Variants in ATM observed in about 807,000 individuals in gnomAD.
The protein encoded by ATM is serine-protein kinase ATM.
In ATM, 308 loss-of-function variants were observed where a neutral mutation model predicts 387.0. The observed-to-expected ratio is 0.80, with a 90% CI of 0.73 to 0.87. ATM has a LOEUF of 0.87. Ranked by LOEUF, ATM falls within the 40% of genes least tolerant of loss-of-function variation. The pLI, the probability that ATM is intolerant of heterozygous loss-of-function variation, is 0.00. For missense variants in ATM, 3,312 were observed against 3,560.9 expected (o/e 0.93, Z 1.78); for synonymous variants, 1,156 against 1,187.3 (o/e 0.97, Z 0.54).
At chr11:108,345,999 T>A in intron 58 of ATM, 91 bp downstream of exon 58, 1 of 1,451,732 alleles carries the variant, frequency 6.9e-7, no homozygotes. Flanking sequence ...ACATTCTGAG[T>A]TGCAGGGGGA....
At position 108,268,411 on chromosome 11, in the gene ATM, T is replaced by C. The variant is rs2135522916; in HGVS notation, c.2640T>C (p.Gly880=). ...TTAATGAGTGCTTTTTATTTTTAGG[T>C]GCCATTAATCCTTTAGCTGAAGAAT... ...NEPGESQSTI[G]AINPLAEEYL... Residue 880 remains glycine (G), a splice_region_variant and synonymous_variant, in exon 18 of 63, where the codon GGT becomes GGC. Transcript: ENST00000675843. 6.2e-7 allele frequency: 1 copy of C among 1,613,420 alleles called. No individual in the cohort carries two copies. The highest frequency in any genetic ancestry group is 8.5e-7 in the Non-Finnish European group (1 of 1,179,908).
chr11:108,307,432 G>A (rs967037949), intron 37 of ATM, among the ~76,000 whole-genome samples: 1 of 152,146 alleles, frequency 6.6e-6, no homozygotes, highest in African/African-American at 2.4e-5. Flanking sequence ...ACAGGCATGA[G>A]CCATTGCACT....
At chr11:108,260,319 G>A (rs1168250646) in intron 16 of ATM, among the ~76,000 whole-genome samples, 1 of 152,134 alleles carries the variant, frequency 6.6e-6, no homozygotes, top group Non-Finnish European at 1.5e-5. Context: ...ACAGGTGTGA[G>A]CCACCACACT....
At chr11:108,313,704 C>G (rs4988077) in intron 40 of ATM, among the ~76,000 whole-genome samples, 4,446 of 152,202 alleles carry the variant, frequency 0.029, 211 homozygotes, top group African/African-American at 0.1. Flanking sequence ...CTGAACTTTT[C>G]TACTCTGAGG....
Position 108,271,369 on chromosome 11 carries a change from G to A in ATM, c.3040G>A (p.Ala1014Thr), listed in dbSNP as rs587782163. The change falls in exon 20 of 63, where the codon GCT (alanine) becomes ACT (threonine). Residue 1014 changes from alanine to threonine, a missense_variant. Ala to Thr is a moderately conservative substitution (Grantham distance 58). Transcript: ENST00000675843. ...SNMDSENTRD[A>T]QGQFLTVIGA... ...TATGGACTCTGAGAACACAAGGGAT[G>A]CTCAAGGACAGTTTCTTACAGTAAT... The A allele has an allele frequency of 1.1e-5, 18 of 1,613,916 alleles. No individual in the cohort carries two copies. The Admixed American group carries it at 3.0e-4, about 27-fold the overall frequency.
rs748884220 is a variant in ATM, at chr11:108,256,245, T to C, written c.2155T>C (p.Ser719Pro). 6.2e-7 allele frequency: 1 copy of C among 1,609,716 alleles called. No homozygotes were observed. The highest frequency in any genetic ancestry group is 1.1e-5 in the South Asian group (1 of 90,586). ...ITNSETLVRC[S>P]RLLVGVLGCY... ...AAATTCAGAAACTCTTGTCCGGTGT[T>C]CACGTCTTTTGGTGGGTGTCCTTGG... The change falls in exon 14 of 63, where the codon TCA (serine) becomes CCA (proline). Residue 719 changes from serine (S) to proline (P), a missense_variant. Around this residue, in one of 4 missense-constraint regions of ATM, gnomAD observed 1,791 missense variants for 1,804.5 expected, o/e 0.99. Coordinates refer to ENST00000675843, the MANE Select transcript of ATM (RefSeq NM_000051.4).
intron 16 of ATM, among the ~76,000 whole-genome samples, chr11:108,259,355 G>T (rs149134291): frequency 6.6e-6 from 1 of 152,134 alleles, no homozygotes; most frequent in African/African-American, 2.4e-5. Context: ...CAGGCGTGGT[G>T]ACATGTGCCT....
chr11:108,254,238 C>A (rs1456375582), intron 13 of ATM, among the ~76,000 whole-genome samples, 199 bp downstream of exon 13: 2 of 151,948 alleles, frequency 1.3e-5, no homozygotes, highest in Non-Finnish European at 2.9e-5. Flanking sequence ...TGAGTACTTC[C>A]TTTGTACTGG....
At chr11:108,297,062 T>C in intron 32 of ATM, 1 of 514,770 alleles carries the variant, frequency 1.9e-6, no homozygotes. Flanking sequence ...TTTAAGACAT[T>C]TTATTTTCTC....
At chr11:108,355,222 T>G (rs1013636359) in intron 61 of ATM, 6 of 280,358 alleles carry the variant, frequency 2.1e-5, no homozygotes, top group Non-Finnish European at 4.1e-5. Flanking sequence ...TTATATCTCC[T>G]TTTTCCCTGC....
At chr11:108,327,899 G>T (rs888793136) in intron 48 of ATM, 141 bp downstream of exon 48, 17 of 750,718 alleles carry the variant, frequency 2.3e-5, no homozygotes, top group Non-Finnish European at 4.4e-6. Context: ...GCTCTGTATA[G>T]TCTCTAGGGT....
Position 108,291,752 on chromosome 11 carries a change from A to C in ATM, c.4437-867A>C, listed in dbSNP as rs139070844. On this transcript the variant is annotated intron_variant, in intron 29 of 62. Transcript: ENST00000675843. ...GGAGAAAACTTTTCCTAGTGTTTGC[A>C]GATTGGCTTTATGCTAGGATTCTTC... Among the ~76,000 whole-genome samples the C allele has an allele frequency of 6.1e-3, 924 of 152,296 alleles. 12 individuals are homozygous for C. Among genetic ancestry groups the C allele is most frequent in the African/African-American group, 0.021 (873 of 41,548 alleles).
At chr11:108,241,732 T>G (rs1182539094) in intron 5 of ATM, among the ~76,000 whole-genome samples, 1 of 94,008 alleles carries the variant, frequency 1.1e-5, no homozygotes, top group South Asian at 4.2e-4. Flanking sequence ...CTTTCTGTCT[T>G]TCTTTCTTTC....
chr11:108,309,130 G>A (rs1204339307), intron 38 of ATM: 1 of 954,252 alleles, frequency 1.0e-6, no homozygotes, highest in African/African-American at 1.6e-5. Context: ...TCAAGTCCAA[G>A]CTTGTGCTGT....
intron 55 of ATM, 28 bp downstream of exon 55, chr11:108,335,137 C>T: frequency 1.2e-6 from 2 of 1,613,600 alleles, no homozygotes; most frequent in East Asian, 4.5e-5. Context: ...TGGCTTAGCC[C>T]TTAGAGTTTT....
intron 1 of ATM, 180 bp from the exon 2 acceptor site, chr11:108,227,415 C>A: frequency 1.9e-6 from 1 of 516,240 alleles, no homozygotes; most frequent in South Asian, 2.9e-5. Flanking sequence ...ATTTTAAATA[C>A]GGAAATGTTA....
intron 15 of ATM, 27 bp downstream of exon 15, chr11:108,257,633 T>G: frequency 6.2e-7 from 1 of 1,608,872 alleles, no homozygotes; most frequent in Non-Finnish European, 8.5e-7. Flanking sequence ...CTTGTTTTGT[T>G]TTTTGAGATA....
At chr11:108,356,392 T>C (rs1209471712) in intron 61 of ATM, among the ~76,000 whole-genome samples, 1 of 151,882 alleles carries the variant, frequency 6.6e-6, no homozygotes, top group Non-Finnish European at 1.5e-5. Flanking sequence ...AAAAATTAGC[T>C]GGGCGTGATG....
chr11:108,317,652 T>TACACAC lies in ATM; in HGVS notation c.6347+148_6347+153dup, dbSNP rs1181493043. The TACACAC allele has an allele frequency of 2.7e-3, 323 of 118,316 alleles. 11 individuals are homozygous for TACACAC. Among genetic ancestry groups the TACACAC allele is most frequent in the African/African-American group, 9.6e-3 (190 of 19,796 alleles). 7.3% of individuals were successfully genotyped at this position (118,316 alleles called of 1,614,324 possible). ...ATATATATATATATATATATATATA[T>TACACAC]ACACACACACACACACACACACTAT... On this transcript the variant is annotated intron_variant, in intron 43 of 62. Transcript: ENST00000675843.
Sources: gnomAD v4.1 joint callset for allele counts (sites outside exome capture counted in the v4.1 genomes callset) on GRCh38, gnomAD v4.1.1 for gene constraint, gnomAD v4.1.1 regional missense constraint, MANE v1.5 for transcripts, NCBI Gene and HGNC (gene_info 2026-07-23, HGNC 2026-07-21) for gene names.